Variants in MADD observed in about 807,000 individuals in gnomAD.
MADD encodes MAP kinase activating death domain, also known as MAP kinase-activating death domain protein.
A neutral mutation model predicts 176.7 loss-of-function variants in MADD; 109 were observed. The ratio of observed to expected loss-of-function variants is 0.62; its 90% CI spans 0.53 to 0.72. The LOEUF is 0.72. Among genes scored for constraint, MADD ranks in the 30% least tolerant of loss-of-function variants. The probability of loss-of-function intolerance (pLI) is 0.00; values close to 1 mark genes in which losing one functional copy is unlikely to be tolerated. For synonymous variants in MADD, 771 were observed against 771.3 expected, an observed-to-expected ratio of 1.00 and a Z score of 0.01; for missense variants, 1,914 against 2,045.5, an observed-to-expected ratio of 0.94 and a Z score of 1.24.
intron 7 of MADD, among the ~76,000 whole-genome samples, chr11:47,280,235 A>G (rs2922978): frequency 0.99 from 151,458 of 152,334 alleles, 75,294 homozygotes; most frequent in East Asian, 1. Flanking sequence ...CCAGTAGATA[A>G]CACTGTGTTT....
chr11:47,311,266 G>A (rs141984206), intron 25 of MADD, among the ~76,000 whole-genome samples: 303 of 152,210 alleles, frequency 2.0e-3, no homozygotes, highest in African/African-American at 7.1e-3. Context: ...ATTTCCTGGT[G>A]TAAGTTGCAC....
At chr11:47,294,966 A>C (rs1164075400) in intron 20 of MADD, among the ~76,000 whole-genome samples, 1 of 151,022 alleles carries the variant, frequency 6.6e-6, no homozygotes, top group African/African-American at 2.4e-5. Context: ...TCTTTCATGT[A>C]TTTTCTACAG....
At chr11:47,319,132 A>T (rs150555297) in intron 27 of MADD, among the ~76,000 whole-genome samples, 33,445 of 114,266 alleles carry the variant, frequency 0.29, 5,618 homozygotes, top group East Asian at 0.63. Context: ...TATATATATA[A>T]TTTTTTTTTT....
exon 14 of MADD, chr11:47,285,589 C>T (rs1247976526): frequency 1.9e-6 from 3 of 1,614,016 alleles, no homozygotes; most frequent in East Asian, 2.2e-5. Flanking sequence ...TGTCTTTTGC[C>T]AGTAAGTGCC....
At chr11:47,281,799 C>G in intron 8 of MADD, 46 bp downstream of exon 8, 3 of 1,372,034 alleles carry the variant, frequency 2.2e-6, no homozygotes, top group Non-Finnish European at 2.9e-6. Context: ...AAATTAATTT[C>G]TTTGCTCTCT....
intron 23 of MADD, 37 bp downstream of exon 25, chr11:47,308,736 AAAGCTG>A (rs765346149): frequency 1.3e-6 from 2 of 1,549,972 alleles, no homozygotes; most frequent in East Asian, 4.5e-5. Flanking sequence ...TGCACTGGAG[AAAGCTG>A]ACTCAGCCAG....
At chr11:47,290,192 A>G in exon 18 of MADD, 1 of 1,614,156 alleles carries the variant, frequency 6.2e-7, no homozygotes, top group Non-Finnish European at 8.5e-7. Flanking sequence ...GACCTCCTCA[A>G]GTGTACAGTC....
Position 47,323,660 on chromosome 11 carries a change from C to T in MADD, c.4198-11C>T, listed in dbSNP as rs373710609. 1.2e-6 allele frequency: 2 copies of T among 1,610,706 alleles called. No individual in the cohort carries two copies. Among genetic ancestry groups the T allele is most frequent in the African/African-American group, 1.3e-5 (1 of 74,864 alleles). ...ACAGGAACCACTGAGCCGCTTTGTG[C>T]ACTTCTCCAGGTGTGCGATGACTGT... On this transcript the variant is annotated splice_polypyrimidine_tract_variant and intron_variant, in intron 27 of 32. Coordinates refer to ENST00000402192, the Ensembl canonical transcript of MADD.
chr11:47,276,050 G>A (rs777044333), exon 4 of MADD: 11 of 1,614,156 alleles, frequency 6.8e-6, no homozygotes, highest in Non-Finnish European at 8.5e-6. Flanking sequence ...AGACATCGAG[G>A]TCCTACCCCA....
At chr11:47,323,592 C>T in intron 27 of MADD, 79 bp from the exon 31 acceptor site, 1 of 1,490,210 alleles carries the variant, frequency 6.7e-7, no homozygotes, top group South Asian at 1.2e-5. Context: ...GCCCCAGGAC[C>T]ACCTTTCCCT....
chr11:47,269,516 G>T (rs767837433), upstream of MADD: 1 of 152,330 alleles, frequency 6.6e-6, no homozygotes, highest in Non-Finnish European at 1.5e-5. Flanking sequence ...GACAGGAAGA[G>T]AAGAGCCGTG....
intron 2 of MADD, among the ~76,000 whole-genome samples, chr11:47,274,201 T>C (rs1178351551): frequency 6.6e-6 from 1 of 152,232 alleles, no homozygotes; most frequent in Non-Finnish European, 1.5e-5. Flanking sequence ...AATATACTCT[T>C]TATACCTCAG....
At chr11:47,279,469 C>T (rs1245068018) in intron 7 of MADD, among the ~76,000 whole-genome samples, 1 of 148,458 alleles carries the variant, frequency 6.7e-6, no homozygotes, top group African/African-American at 2.5e-5. Flanking sequence ...ACTGCAAGCT[C>T]TGCCTTCTGA....
At chr11:47,276,044 A>C in exon 4 of MADD, 1 of 1,614,218 alleles carries the variant, frequency 6.2e-7, no homozygotes, top group Non-Finnish European at 8.5e-7. Context: ...GCGAGTAGAC[A>C]TCGAGGTCCT....
At chr11:47,283,010 G>A (rs901222942) in intron 10 of MADD, 41 bp downstream of exon 10, 183 of 1,596,380 alleles carry the variant, frequency 1.1e-4, no homozygotes, top group Non-Finnish European at 1.5e-4. Context: ...TAAAGGTGAG[G>A]AGGCTCTCAC....
rs1333171970 is a variant in MADD at position 47,278,989 on chromosome 11, T to C, written c.1210-10T>C. 1 of 1,613,222 alleles carries C rather than the reference T, an allele frequency of 6.2e-7. No homozygotes were observed. The highest frequency in any genetic ancestry group is 1.1e-5 in the South Asian group (1 of 91,062). ...CTAAGGTCACGTCTTTTATCATTTC[T>C]CTGGTGCAGGTGATTGCCCCCACCA... is the stretch of plus-strand genomic sequence containing the variant. On this transcript the variant is annotated splice_polypyrimidine_tract_variant and intron_variant, in intron 6 of 32. Coordinates refer to ENST00000402192, the Ensembl canonical transcript of MADD.
At chr11:47,282,178 A>G (rs1471058695) in intron 8 of MADD, among the ~76,000 whole-genome samples, 1 of 151,996 alleles carries the variant, frequency 6.6e-6, no homozygotes, top group Non-Finnish European at 1.5e-5. Flanking sequence ...TTTGGTTGTT[A>G]TTTTCCACCT....
chr11:47,273,952 A>G (rs2047324860), exon 2 of MADD: 1 of 1,613,880 alleles, frequency 6.2e-7, no homozygotes, highest in African/African-American at 1.3e-5. Flanking sequence ...CGGTTACTTG[A>G]CTATCTAGTG....
At chr11:47,276,984 A>T in intron 5 of MADD, 121 bp downstream of exon 5, 1 of 1,202,882 alleles carries the variant, frequency 8.3e-7, no homozygotes, top group South Asian at 1.5e-5. Context: ...TTATTTGTCT[A>T]CAAAATCTGA....
Sources: gnomAD v4.1 joint callset for allele counts (sites outside exome capture counted in the v4.1 genomes callset) on GRCh38, gnomAD v4.1.1 for gene constraint, MANE v1.5 for transcripts, NCBI Gene and HGNC (gene_info 2026-07-23, HGNC 2026-07-21) for gene names.